TRPM3: variants seen among roughly 807,000 people sequenced by gnomAD.
TRPM3 encodes long transient receptor potential channel 3.
A neutral mutation model predicts 181.2 loss-of-function variants in TRPM3; 77 were observed. That is an observed-to-expected ratio of 0.42 (90% confidence interval 0.35 to 0.51). The LOEUF is 0.51. Ranked by LOEUF, TRPM3 falls within the 20% of genes least tolerant of loss-of-function variation. The probability of loss-of-function intolerance (pLI) is 0.01; values close to 1 mark genes in which losing one functional copy is unlikely to be tolerated. For missense variants in TRPM3, 1,759 were observed against 2,196.7 expected (o/e 0.80, Z 3.98); for synonymous variants, 745 against 796.4 (o/e 0.94, Z 1.09).
intron 1 of TRPM3, among the ~76,000 whole-genome samples, chr9:71,153,162 G>A (rs1017857241): frequency 6.6e-6 from 1 of 151,986 alleles, no homozygotes; most frequent in South Asian, 2.1e-4. Flanking sequence ...ACCATATAGG[G>A]TAATATCAGT....
chr9:70,749,836 G>T lies in TRPM3; in HGVS notation c.1272+11765C>A, dbSNP rs181665033. ...TCACCTTTATGGAAAAAGAAGTCTG[G>T]CATATGAATATTTCATTTGGTAAGA... On this transcript the variant is annotated intron_variant, in intron 8 of 25. Coordinates refer to ENST00000677713, the MANE Select transcript of TRPM3 (RefSeq NM_001366145.2). 6.4e-3 allele frequency among the ~76,000 whole-genome samples: 972 copies of T among 152,214 alleles called. 2 individuals carry two copies. The highest frequency in any genetic ancestry group is 0.011 in the Non-Finnish European group (761 of 68,008).
At chr9:70,664,641 GTTTTTTTTTTTTTTTT>G (rs71367210) in intron 9 of TRPM3, among the ~76,000 whole-genome samples, 23,297 of 101,012 alleles carry the variant, frequency 0.23, 2,230 homozygotes, top group South Asian at 0.4. Flanking sequence ...TAGGAGAGTA[GTTTTTTTTTTTTTTTT>G]TTTTTTTTTT....
At position 71,226,663 on chromosome 9, in the gene TRPM3, G is replaced by GAT. The variant is rs764580729; in HGVS notation, c.183+219988_183+219989dup. The stretch of plus-strand genomic sequence containing the variant: ...GTGTGTGTATATACACATATATACA[G>GAT]ATATATATATACACACACATGTATA... On this transcript the variant is annotated intron_variant, in intron 1 of 24. Coordinates refer to the TRPM3 transcript ENST00000357533. Among the ~76,000 whole-genome samples the GAT allele has an allele frequency of 2.4e-3, 358 of 151,868 alleles. 1 individual carries two copies. Among genetic ancestry groups the GAT allele is most frequent in the African/African-American group, 7.9e-3 (327 of 41,424 alleles).
chr9:70,823,804 T>C (rs1321219768), intron 6 of TRPM3, among the ~76,000 whole-genome samples: 1 of 152,228 alleles, frequency 6.6e-6, no homozygotes, highest in East Asian at 1.9e-4. Flanking sequence ...ATGACTGAAA[T>C]TGTTCCTTGC....
chr9:71,404,024 T>C (rs567658461), intron 1 of TRPM3, among the ~76,000 whole-genome samples: 1 of 152,306 alleles, frequency 6.6e-6, no homozygotes, highest in South Asian at 2.1e-4. Context: ...AGCAGGGTTT[T>C]TGAATTAGAA....
chr9:71,288,469 A>T (rs1441293785), intron 1 of TRPM3, among the ~76,000 whole-genome samples: 1 of 152,154 alleles, frequency 6.6e-6, no homozygotes, highest in South Asian at 2.1e-4. Flanking sequence ...AAAGTTCCCT[A>T]TTGAAAAATA....
At chr9:71,314,281 C>T (rs1041837090) in intron 1 of TRPM3, among the ~76,000 whole-genome samples, 7 of 152,048 alleles carry the variant, frequency 4.6e-5, no homozygotes, top group Non-Finnish European at 8.8e-5. Context: ...ATTTTTTTAT[C>T]AAAGAAAAAT....
At chr9:70,914,479 G>A (rs1305110925) in intron 1 of TRPM3, among the ~76,000 whole-genome samples, 1 of 152,226 alleles carries the variant, frequency 6.6e-6, no homozygotes, top group Non-Finnish European at 1.5e-5. Context: ...ATCATATGAT[G>A]TGCCAAAAGA....
intron 1 of TRPM3, among the ~76,000 whole-genome samples, chr9:71,012,763 A>C (rs1039485793): frequency 2.0e-5 from 3 of 151,944 alleles, no homozygotes; most frequent in African/African-American, 7.2e-5. Context: ...TATTCCACTG[A>C]AATTTTTTAT....
At chr9:70,862,881 G>A (rs1384583729) in intron 3 of TRPM3, 27 bp downstream of exon 3, 21 of 1,609,606 alleles carry the variant, frequency 1.3e-5, no homozygotes, top group Non-Finnish European at 1.8e-5. Context: ...ATAGCATTTG[G>A]GAGCAACTGA....
intron 1 of TRPM3, among the ~76,000 whole-genome samples, chr9:70,870,331 A>G (rs2095761361): frequency 6.6e-6 from 1 of 152,068 alleles, no homozygotes; most frequent in South Asian, 2.1e-4. Context: ...GAAAGAAACA[A>G]TAAACTACCT....
At chr9:71,248,569 A>T (rs987760949) in intron 1 of TRPM3, among the ~76,000 whole-genome samples, 1 of 152,128 alleles carries the variant, frequency 6.6e-6, no homozygotes, top group Non-Finnish European at 1.5e-5. Context: ...TTTTCCTCAT[A>T]TTTTAATTTT....
At chr9:70,670,012 C>T (rs751404330) in intron 9 of TRPM3, among the ~76,000 whole-genome samples, 18 of 152,132 alleles carry the variant, frequency 1.2e-4, no homozygotes, top group Admixed American at 2.6e-4. Context: ...GCTAAGATTA[C>T]AGGTGTGAGC....
chr9:70,545,222 A>T (rs2131722871), intron 25 of TRPM3, among the ~76,000 whole-genome samples: 1 of 152,138 alleles, frequency 6.6e-6, no homozygotes, highest in East Asian at 1.9e-4. Context: ...CATGGAGAGA[A>T]CTCCTTGTCC....
chr9:70,629,130 A>T (rs1202132520), intron 12 of TRPM3, among the ~76,000 whole-genome samples: 3 of 144,584 alleles, frequency 2.1e-5, no homozygotes, highest in Admixed American at 1.5e-4. Context: ...AGGTGCTGGG[A>T]TCGTCTCATA....
chr9:70,827,249 G>A (rs960562276), intron 6 of TRPM3: 2 of 152,248 alleles, frequency 1.3e-5, no homozygotes, highest in Middle Eastern at 3.4e-3. Context: ...CAGCTAGATC[G>A]TTGCTAAGTT....
At chr9:70,548,032 C>A (rs886752976) in intron 25 of TRPM3, among the ~76,000 whole-genome samples, 3 of 152,120 alleles carry the variant, frequency 2.0e-5, no homozygotes, top group Admixed American at 6.5e-5. Context: ...TTTTTCCCTA[C>A]CTCTCTTTCC....
intron 1 of TRPM3, among the ~76,000 whole-genome samples, chr9:70,947,784 A>G (rs1212794692): frequency 2.6e-5 from 4 of 152,142 alleles, no homozygotes; most frequent in Non-Finnish European, 1.5e-5. Flanking sequence ...GTATGAGAAT[A>G]ATGACAATAC....
chr9:71,112,625 T>C (rs1393780899), intron 1 of TRPM3, among the ~76,000 whole-genome samples: 3 of 152,180 alleles, frequency 2.0e-5, no homozygotes, highest in Non-Finnish European at 4.4e-5. Context: ...ATATAATTCA[T>C]CTAACACCCG....
Sources: allele counts gnomAD v4.1 joint callset (sites outside exome capture counted in the v4.1 genomes callset), GRCh38; gene constraint gnomAD v4.1.1; transcripts MANE v1.5; gene names NCBI Gene and HGNC (gene_info 2026-07-23, HGNC 2026-07-21).